Variants in SCHIP1 observed in about 807,000 individuals in gnomAD.
The protein encoded by SCHIP1 is schwannomin interacting protein 1.
In SCHIP1, 8 loss-of-function variants were observed where a neutral mutation model predicts 29.7. The ratio of observed to expected loss-of-function variants is 0.27; its 90% CI spans 0.16 to 0.49. The LOEUF (loss-of-function observed/expected upper bound fraction) is 0.49. Among genes scored for constraint, SCHIP1 ranks in the 20% least tolerant of loss-of-function variants. The pLI, the probability that SCHIP1 is intolerant of heterozygous loss-of-function variation, is 0.99. For missense variants in SCHIP1, 193 were observed against 294.6 expected, an observed-to-expected ratio of 0.66 and a Z score of 2.52; for synonymous variants, 76 against 94.9, an observed-to-expected ratio of 0.80 and a Z score of 1.16.
the SCHIP1 span, among the ~76,000 whole-genome samples, chr3:159,674,598 TAAAA>T: frequency 5.6e-5 from 3 of 53,970 alleles, no homozygotes; most frequent in Non-Finnish European, 1.1e-4. Context: ...GGGTCAGGAT[TAAAA>T]AAAAAAAAAA....
At chr3:159,795,437 G>A in the SCHIP1 span, among the ~76,000 whole-genome samples, 1 of 152,162 alleles carries the variant, frequency 6.6e-6, no homozygotes, top group Non-Finnish European at 1.5e-5. Context: ...GTACCAACAG[G>A]TGAATGGGAT....
the SCHIP1 span, among the ~76,000 whole-genome samples, chr3:159,587,846 A>C: frequency 6.6e-6 from 1 of 151,994 alleles, no homozygotes; most frequent in African/African-American, 2.4e-5. Flanking sequence ...TATGTGCCAC[A>C]TTTTCTTAAC....
At chr3:159,562,516 C>A in the SCHIP1 span, among the ~76,000 whole-genome samples, 3 of 152,276 alleles carry the variant, frequency 2.0e-5, no homozygotes, top group South Asian at 6.2e-4. Context: ...GCCTCAGCTA[C>A]CAGGATCCTT....
At chr3:159,602,737 C>T in the SCHIP1 span, among the ~76,000 whole-genome samples, 1 of 149,798 alleles carries the variant, frequency 6.7e-6, no homozygotes, top group East Asian at 1.9e-4. Context: ...AACAAACAAA[C>T]AAAACATCAG....
the SCHIP1 span, among the ~76,000 whole-genome samples, chr3:159,793,021 G>A: frequency 8.5e-5 from 13 of 152,290 alleles, no homozygotes; most frequent in Admixed American, 2.6e-4. Flanking sequence ...TAATGAAAAT[G>A]TTTGCAACCA....
At chr3:159,618,847 G>A in the SCHIP1 span, among the ~76,000 whole-genome samples, 1 of 152,244 alleles carries the variant, frequency 6.6e-6, no homozygotes, top group Non-Finnish European at 1.5e-5. Flanking sequence ...GTGGGGGCCT[G>A]CTCCTGGTGG....
chr3:159,568,059 A>C, the SCHIP1 span, among the ~76,000 whole-genome samples: 4 of 152,156 alleles, frequency 2.6e-5, no homozygotes, highest in African/African-American at 7.2e-5. Context: ...TGCAGTTGCC[A>C]CATTGTAAAG....
At chr3:159,646,108 C>G in the SCHIP1 span, among the ~76,000 whole-genome samples, 2 of 152,102 alleles carry the variant, frequency 1.3e-5, no homozygotes, top group Non-Finnish European at 2.9e-5. Flanking sequence ...AGGCCTTGAT[C>G]TGAAGCAAAA....
chr3:159,471,199 A>C, the SCHIP1 span, among the ~76,000 whole-genome samples: 21 of 152,312 alleles, frequency 1.4e-4, no homozygotes, highest in South Asian at 3.9e-3. Context: ...GTTTGCCTTT[A>C]GTCCTACAAG....
At chr3:159,498,502 G>A in the SCHIP1 span, among the ~76,000 whole-genome samples, 3 of 152,146 alleles carry the variant, frequency 2.0e-5, no homozygotes, top group Non-Finnish European at 1.5e-5. Context: ...TCTCCTTGAC[G>A]TAAGCAATTA....
the SCHIP1 span, among the ~76,000 whole-genome samples, chr3:159,348,016 C>CAAGTTTA: frequency 2.2e-4 from 33 of 152,206 alleles, no homozygotes; most frequent in East Asian, 5.2e-3. Flanking sequence ...TTTCTGACCA[C>CAAGTTTA]AAGTTTAAGA....
the SCHIP1 span, among the ~76,000 whole-genome samples, chr3:159,554,162 G>T: frequency 1.3e-5 from 2 of 152,212 alleles, no homozygotes; most frequent in Non-Finnish European, 2.9e-5. Flanking sequence ...GAGCCACCTC[G>T]CCCGGTCAGT....
the SCHIP1 span, among the ~76,000 whole-genome samples, chr3:159,302,826 A>C: frequency 1.3e-5 from 2 of 152,174 alleles, no homozygotes; most frequent in South Asian, 4.1e-4. Context: ...ATGTCCTGGG[A>C]AACCCCTCAG....
chr3:159,594,196 A>G, the SCHIP1 span, among the ~76,000 whole-genome samples: 1 of 152,248 alleles, frequency 6.6e-6, no homozygotes, highest in Non-Finnish European at 1.5e-5. Flanking sequence ...GGCGGAAGAA[A>G]TGGCAACTTG....
chr3:159,785,581 T>TG, the SCHIP1 span, among the ~76,000 whole-genome samples: 2 of 73,898 alleles, frequency 2.7e-5, no homozygotes, highest in South Asian at 7.7e-4. Flanking sequence ...TTTTGTTGGT[T>TG]TTTTTTTTTT....
At chr3:159,815,937 C>CTATTTATTTATTTATTTATTTATT in the SCHIP1 span, among the ~76,000 whole-genome samples, 299 of 147,548 alleles carry the variant, frequency 2.0e-3, no homozygotes, top group Middle Eastern at 6.9e-3. Flanking sequence ...GCCTCTGGTC[C>CTATTTATTTATTTATTTATTTATT]TATTTATTTA....
chr3:159,452,405 G>A, the SCHIP1 span, among the ~76,000 whole-genome samples: 4 of 152,052 alleles, frequency 2.6e-5, no homozygotes, highest in Admixed American at 6.5e-5. Flanking sequence ...GCAGTGTTTG[G>A]TTTTCTGTTC....
chr3:159,381,649 G>T, the SCHIP1 span, among the ~76,000 whole-genome samples: 10 of 151,758 alleles, frequency 6.6e-5, no homozygotes, highest in African/African-American at 2.2e-4. Flanking sequence ...AGGCTGGAGT[G>T]CAGTGGCATG....
At chr3:159,601,272 G>T in the SCHIP1 span, among the ~76,000 whole-genome samples, 3 of 152,130 alleles carry the variant, frequency 2.0e-5, no homozygotes, top group African/African-American at 7.2e-5. Context: ...GAGTGGTATG[G>T]GCTGGTATTG....
Sources: allele counts gnomAD v4.1 joint callset (sites outside exome capture counted in the v4.1 genomes callset), GRCh38; gene constraint gnomAD v4.1.1; transcripts MANE v1.5; gene names NCBI Gene and HGNC (gene_info 2026-07-23, HGNC 2026-07-21).